The following SOBP variants were observed in gnomAD, a reference collection of about 807,000 sequenced individuals.
SOBP encodes the protein sine oculis binding protein homolog.
Under a neutral mutation model 53.6 loss-of-function variants are expected in SOBP, and 4 were observed. That is an observed-to-expected ratio of 0.07 (90% confidence interval 0.04 to 0.17). SOBP has a LOEUF of 0.17. Ranked by LOEUF, SOBP falls within the 10% of genes least tolerant of loss-of-function variation. SOBP has a pLI of 1.00. For missense variants in SOBP, 1,088 were observed against 1,204.7 expected, an observed-to-expected ratio of 0.90 and a Z score of 1.43; for synonymous variants, 584 against 522.6, an observed-to-expected ratio of 1.12 and a Z score of -1.60.
chr6:107,510,712 T>G (rs1409821267), intron 3 of SOBP: 1 of 152,192 alleles, frequency 6.6e-6, no homozygotes, highest in African/African-American at 2.4e-5. Flanking sequence ...TCAAGGTAAT[T>G]GGGTTGAGAT....
intron 3 of SOBP, among the ~76,000 whole-genome samples, chr6:107,531,679 G>T (rs1783828320): frequency 6.6e-6 from 1 of 151,822 alleles, no homozygotes. Flanking sequence ...GCTTTGAATA[G>T]AACAAATTAT....
chr6:107,594,543 C>A (rs1055358551), intron 5 of SOBP, among the ~76,000 whole-genome samples: 1 of 151,266 alleles, frequency 6.6e-6, no homozygotes, highest in Admixed American at 6.6e-5. Context: ...TTCTGCCTAA[C>A]CATTTAATAG....
At chr6:107,575,508 G>A (rs1272895472) in intron 4 of SOBP, among the ~76,000 whole-genome samples, 4 of 152,206 alleles carry the variant, frequency 2.6e-5, no homozygotes, top group African/African-American at 9.6e-5. Flanking sequence ...AGGTGCAGAG[G>A]AACTGGGACA....
At chr6:107,606,757 AGG>A (rs1409139214) in intron 5 of SOBP, among the ~76,000 whole-genome samples, 12 of 152,334 alleles carry the variant, frequency 7.9e-5, no homozygotes, top group Non-Finnish European at 1.5e-4. Context: ...TTCTGCCTAC[AGG>A]AGCAGGAGAG....
rs1251179785 is a variant in SOBP at position 107,634,677 on chromosome 6, G to A, written c.1833G>A (p.Thr611=). The part of the protein sequence containing the change: ...CSGQALSLAP[T]PAEHGRSEVV... ...GCCAGGCCCTGAGCCTGGCGCCCAC[G>A]CCCGCCGAGCATGGCCGGAGCGAGG... The change falls in exon 6 of 7, where the codon ACG becomes ACA. Residue 611 remains threonine, a synonymous_variant. Coordinates refer to ENST00000317357, the MANE Select transcript of SOBP (RefSeq NM_018013.4). This position sits in a 1 kb window ranked among gnomAD's most constrained non-coding sequence, Gnocchi z 4.5. 3 of 1,532,920 alleles carry A rather than the reference G, an allele frequency of 2.0e-6. No homozygotes were observed. The highest frequency in any genetic ancestry group is 1.7e-6 in the Non-Finnish European group (2 of 1,145,856). The allele number at this position is 1,532,920 out of a possible 1,614,324, so 95.0% of individuals were successfully genotyped here.
chr6:107,647,905 G>A (rs189716921), intron 6 of SOBP, among the ~76,000 whole-genome samples: 1 of 152,164 alleles, frequency 6.6e-6, no homozygotes, highest in Admixed American at 6.5e-5. Flanking sequence ...TTAAAGGGTT[G>A]CAGGAAAGCA....
chr6:107,491,397 G>T (rs1416163133), intron 1 of SOBP, among the ~76,000 whole-genome samples: 1 of 152,228 alleles, frequency 6.6e-6, no homozygotes. Context: ...TCTGAGGGGC[G>T]GCCTTTGCAG....
chr6:107,523,235 T>C (rs1356039637), intron 3 of SOBP, among the ~76,000 whole-genome samples: 2 of 152,204 alleles, frequency 1.3e-5, no homozygotes, highest in African/African-American at 4.8e-5. Flanking sequence ...ACTTTTCCCA[T>C]AGCAGGACTA....
chr6:107,648,234 G>A (rs1006530438), intron 6 of SOBP, among the ~76,000 whole-genome samples: 4 of 152,134 alleles, frequency 2.6e-5, no homozygotes, highest in Non-Finnish European at 5.9e-5. Flanking sequence ...TCTTAACACA[G>A]TAAACATCTG....
rs755847858 is a variant in SOBP at position 107,533,633 on chromosome 6, C to T, written c.573+23C>T. 9 of 1,613,640 alleles carry T rather than the reference C, an allele frequency of 5.6e-6. No individual in the cohort carries two copies. In the Admixed American group the frequency reaches 1.0e-4, roughly 18 times the overall value. ...AAGGTAAGAGCACCGGAGAGAGAGG[C>T]GGCCCCCCACAGGCCTCACCAGCCC... On this transcript the variant is annotated intron_variant, in intron 4 of 6. Transcript: ENST00000317357.
At chr6:107,514,915 G>A (rs1783274009) in intron 3 of SOBP, 1 of 152,202 alleles carries the variant, frequency 6.6e-6, no homozygotes, top group Non-Finnish European at 1.5e-5. Flanking sequence ...CCAGAAGTCT[G>A]ATGAAAGATT....
At position 107,659,610 on chromosome 6, in the gene SOBP, G is replaced by A. The variant is rs1772211570; in HGVS notation, c.*1407G>A. ...TCAAATAAAGCAATTGTTCCCTCTG[G>A]AGGGGTCCAGGTGCCCCCGCCCCAC... On this transcript the variant is annotated 3_prime_UTR_variant, in exon 7 of 7. Transcript: ENST00000317357. 1 of 152,660 alleles carries A rather than the reference G, an allele frequency of 6.6e-6. No homozygotes were observed. The highest frequency in any genetic ancestry group is 1.5e-5 in the Non-Finnish European group (1 of 68,064). The allele number at this position is 152,660 out of a possible 1,614,324, so 9.5% of individuals were successfully genotyped here.
chr6:107,576,334 C>T (rs556831265), intron 4 of SOBP, among the ~76,000 whole-genome samples: 24 of 152,232 alleles, frequency 1.6e-4, no homozygotes, highest in Non-Finnish European at 2.5e-4. Flanking sequence ...CTTTCTCCTT[C>T]ATGTTCAGGC....
intron 3 of SOBP, among the ~76,000 whole-genome samples, chr6:107,519,790 C>T (rs1783426316): frequency 1.3e-5 from 2 of 152,156 alleles, no homozygotes; most frequent in Non-Finnish European, 2.9e-5. Context: ...AATAGCACAT[C>T]CTTCTGTTGG....
intron 4 of SOBP, among the ~76,000 whole-genome samples, chr6:107,562,710 G>A (rs1274392540): frequency 6.6e-6 from 1 of 152,130 alleles, no homozygotes; most frequent in East Asian, 1.9e-4. Flanking sequence ...CCTTGAGGAA[G>A]GGACTGAACA....
chr6:107,629,576 T>C (rs1770614108), intron 5 of SOBP, among the ~76,000 whole-genome samples: 1 of 152,240 alleles, frequency 6.6e-6, no homozygotes, highest in Non-Finnish European at 1.5e-5. Context: ...TAGCTTTCTC[T>C]CTTTCTGGGG....
At chr6:107,638,270 G>T (rs1771145755) in intron 6 of SOBP, among the ~76,000 whole-genome samples, 2 of 152,136 alleles carry the variant, frequency 1.3e-5, no homozygotes, top group South Asian at 4.1e-4. Context: ...GAGCGCAGTG[G>T]CGCGACCTTG....
rs1772258419 is a variant in SOBP, at chr6:107,660,676, A to G, written c.*2473A>G. Among the ~76,000 whole-genome samples the G allele has an allele frequency of 6.6e-6, 1 of 152,198 alleles. No homozygotes were observed. On this transcript the variant is annotated 3_prime_UTR_variant, in exon 7 of 7. Coordinates refer to ENST00000317357, the MANE Select transcript of SOBP (RefSeq NM_018013.4). Reference sequence around the variant, plus strand: ...TGAGTTAAATATCAGAAAGTTCCTAAGGTGGAAAGTATGCTAATATCTAGT... The same window carrying G: ...TGAGTTAAATATCAGAAAGTTCCTAGGGTGGAAAGTATGCTAATATCTAGT...
chr6:107,592,411 C>T (rs1785788813), intron 5 of SOBP, among the ~76,000 whole-genome samples: 1 of 152,056 alleles, frequency 6.6e-6, no homozygotes, highest in African/African-American at 2.4e-5. Context: ...AACAAGAACC[C>T]CTGAAAGGTG....
Sources: allele counts gnomAD v4.1 joint callset (sites outside exome capture counted in the v4.1 genomes callset), GRCh38; gene constraint gnomAD v4.1.1; non-coding constraint Gnocchi (gnomAD v3.1); transcripts MANE v1.5; gene names NCBI Gene and HGNC (gene_info 2026-07-23, HGNC 2026-07-21).